The following IQGAP1 variants were observed in gnomAD, a reference collection of about 807,000 sequenced individuals.
The protein encoded by IQGAP1 is ras GTPase-activating-like protein IQGAP1.
A neutral mutation model predicts 215.6 loss-of-function variants in IQGAP1; 66 were observed. The ratio of observed to expected loss-of-function variants is 0.31; its 90% CI spans 0.25 to 0.38. The LOEUF is 0.38. IQGAP1 is among the 10% of genes least tolerant of loss of function. IQGAP1 has a pLI of 1.00. For missense variants in IQGAP1, 1,712 were observed against 1,997.1 expected (o/e 0.86, Z 2.72); for synonymous variants, 772 against 728.7 (o/e 1.06, Z -0.96).
At position 90,486,120 on chromosome 15, in the gene IQGAP1, G is replaced by A. The variant is rs1314114998; in HGVS notation, c.4012G>A (p.Glu1338Lys). The A allele has an allele frequency of 1.9e-6, 3 of 1,612,664 alleles. No homozygotes were observed. The highest frequency in any genetic ancestry group is 1.1e-5 in the South Asian group (1 of 90,896). The change falls in exon 31 of 38, where the codon GAG becomes AAG. Residue 1338 changes from glutamate (E) to lysine (K), a missense_variant. Coordinates refer to ENST00000268182, the MANE Select transcript of IQGAP1 (RefSeq NM_003870.4). Reference protein sequence around the residue: ...LDDLGEVPTIESLIGESSGNL... With the variant: ...LDDLGEVPTIKSLIGESSGNL... The stretch of plus-strand genomic sequence containing the variant: ...CGACCTCGGCGAGGTGCCCACCATC[G>A]AGTCCCTGATAGGTAGAGTTCTAAC...
chr15:90,453,007 C>G lies in IQGAP1; in HGVS notation c.1326+69C>G. On this transcript the variant is annotated intron_variant, in intron 12 of 37. Coordinates refer to ENST00000268182, the MANE Select transcript of IQGAP1 (RefSeq NM_003870.4). ...GACGTGAGTGTAATACCCACTTCTT[C>G]CTGTGGTTAGGTAGAACTTTTTTGC... 4 of 1,579,270 alleles carry G rather than the reference C, an allele frequency of 2.5e-6. No homozygotes were observed. The Admixed American group carries it at 5.4e-5, about 21-fold the overall frequency.
chr15:90,425,315 A>C (rs192160916), intron 2 of IQGAP1, among the ~76,000 whole-genome samples: 1 of 152,148 alleles, frequency 6.6e-6, no homozygotes, highest in Admixed American at 6.5e-5. Context: ...GTCTCAAAAG[A>C]AAAAAGAAGA....
intron 5 of IQGAP1, among the ~76,000 whole-genome samples, chr15:90,434,523 T>G (rs1043805373): frequency 2.0e-5 from 3 of 152,094 alleles, no homozygotes; most frequent in Admixed American, 6.5e-5. Flanking sequence ...AAAATATATT[T>G]TTTTCCCATA....
chr15:90,407,712 A>G (rs1448233903), intron 2 of IQGAP1, among the ~76,000 whole-genome samples: 2 of 152,182 alleles, frequency 1.3e-5, no homozygotes, highest in Non-Finnish European at 2.9e-5. Flanking sequence ...ATACTATTCC[A>G]TTGCTCATTT....
intron 15 of IQGAP1, among the ~76,000 whole-genome samples, chr15:90,458,389 A>G (rs1405233195): frequency 1.3e-5 from 2 of 152,222 alleles, no homozygotes; most frequent in Admixed American, 6.5e-5. Context: ...AGTGACAGCT[A>G]TATAAGTTGT....
chr15:90,423,475 G>A (rs962610095), intron 2 of IQGAP1, among the ~76,000 whole-genome samples: 2 of 151,170 alleles, frequency 1.3e-5, no homozygotes, highest in African/African-American at 2.4e-5. Context: ...TCAAGTGTTC[G>A]GCCTGCCTTG....
Position 90,389,341 on chromosome 15 carries a change from C to CTTT in IQGAP1, c.55+961_55+963dup, listed in dbSNP as rs563216137. ...AAGACAGTATGAGCACGGGAGGTGA[C>CTTT]TTTTTTTTTTTTTTTTTTGGAGACA... On this transcript the variant is annotated intron_variant, in intron 1 of 37. Coordinates refer to ENST00000268182, the MANE Select transcript of IQGAP1 (RefSeq NM_003870.4). 5.5e-3 allele frequency among the ~76,000 whole-genome samples: 708 copies of CTTT among 128,396 alleles called. 4 individuals are homozygous for CTTT. The highest frequency in any genetic ancestry group is 0.018 in the African/African-American group (619 of 34,576). 84.2% of individuals were successfully genotyped at this position (128,396 alleles called of 152,430 possible).
intron 18 of IQGAP1, among the ~76,000 whole-genome samples, chr15:90,472,079 A>G (rs906130202): frequency 1.3e-5 from 2 of 152,178 alleles, no homozygotes; most frequent in Admixed American, 6.5e-5. Flanking sequence ...CACCCTGGGC[A>G]ATATAATGAG....
chr15:90,432,167 A>G (rs1444082152), intron 4 of IQGAP1, among the ~76,000 whole-genome samples: 1 of 152,176 alleles, frequency 6.6e-6, no homozygotes, highest in Non-Finnish European at 1.5e-5. Context: ...TCTGTCACCT[A>G]GAATTTTTCA....
chr15:90,412,301 G>T (rs1203556902), intron 2 of IQGAP1, among the ~76,000 whole-genome samples: 1 of 152,046 alleles, frequency 6.6e-6, no homozygotes, highest in African/African-American at 2.4e-5. Flanking sequence ...CATTTTGCTT[G>T]TATGGTTTGA....
At chr15:90,487,609 T>A in intron 33 of IQGAP1, 27 bp downstream of exon 33, 1 of 1,475,882 alleles carries the variant, frequency 6.8e-7, no homozygotes, top group East Asian at 2.3e-5. Context: ...AACATACTCC[T>A]TTGTTTGGTA....
chr15:90,465,924 G>C, intron 15 of IQGAP1, 77 bp from the exon 16 acceptor site: 1 of 1,084,116 alleles, frequency 9.2e-7, no homozygotes, highest in South Asian at 1.3e-5. Context: ...TTGAGTCTAG[G>C]AAGCCCCCTT....
chr15:90,500,104 A>T lies in IQGAP1; in HGVS notation c.4970A>T (p.Lys1657Met), dbSNP rs759837106. The change falls in exon 38 of 38, where the codon AAG (lysine) becomes ATG (methionine). Residue 1657 changes from lysine (K) to methionine (M), a missense_variant. Transcript: ENST00000268182. Reference sequence around the variant, plus strand: ...CTTCTCAACAAAAAGTTCTACGGGAAGTAATTGATCGTTTGCTGCCAGCCC... The same window carrying T: ...CTTCTCAACAAAAAGTTCTACGGGATGTAATTGATCGTTTGCTGCCAGCCC... ...IFLLNKKFYG[K>M] is the part of the protein sequence containing the mutation. The T allele has an allele frequency of 6.4e-7, 1 of 1,569,234 alleles. No homozygotes were observed. Among genetic ancestry groups the T allele is most frequent in the Non-Finnish European group, 8.8e-7 (1 of 1,139,024 alleles).
chr15:90,484,020 T>C (rs1966092733), intron 29 of IQGAP1, among the ~76,000 whole-genome samples, 200 bp from the exon 30 acceptor site: 1 of 152,192 alleles, frequency 6.6e-6, no homozygotes, highest in Non-Finnish European at 1.5e-5. Context: ...AAACTAAAAC[T>C]ACAAACTAGG....
Position 90,498,830 on chromosome 15 carries a change from A to T in IQGAP1, c.4861-1165A>T, listed in dbSNP as rs1459586489. Among the ~76,000 whole-genome samples, 474 of 72,052 alleles carry T rather than the reference A, an allele frequency of 6.6e-3. 4 individuals are homozygous for T. Among genetic ancestry groups the T allele is most frequent in the African/African-American group, 0.026 (457 of 17,472 alleles). The allele number at this position is 72,052 out of a possible 152,430, so 47.3% of individuals were successfully genotyped here. On this transcript the variant is annotated intron_variant, in intron 37 of 37. Transcript: ENST00000268182. ...GCCCGGCTAATTTTTTTTTTTTTTG[A>T]GACAGTTTCGCTCTTATTGCCCAAG...
At chr15:90,395,419 A>C (rs28372225) in intron 2 of IQGAP1, among the ~76,000 whole-genome samples, 14,731 of 151,810 alleles carry the variant, frequency 0.097, 964 homozygotes, top group Non-Finnish European at 0.15. Context: ...CTCCCAGGTT[A>C]ACGCCATTCT....
intron 5 of IQGAP1, among the ~76,000 whole-genome samples, chr15:90,434,691 G>C (rs904870091): frequency 6.6e-6 from 1 of 152,136 alleles, no homozygotes; most frequent in East Asian, 1.9e-4. Context: ...CTTGGGACCA[G>C]AAGTGTTTTG....
At position 90,499,852 on chromosome 15, in the gene IQGAP1, C is replaced by A. The variant is rs547724966; in HGVS notation, c.4861-143C>A. On this transcript the variant is annotated intron_variant, in intron 37 of 37. Coordinates refer to ENST00000268182, the MANE Select transcript of IQGAP1 (RefSeq NM_003870.4). ...GGTAGTTGCCTAGCGTGGAACTTTTCTTTCGCCCCAGTTCACATCTGGCAC... is the reference window on the plus strand; with the variant it reads ...GGTAGTTGCCTAGCGTGGAACTTTTATTTCGCCCCAGTTCACATCTGGCAC... The A allele has an allele frequency of 1.0e-5, 6 of 579,568 alleles. No homozygotes were observed. The East Asian group carries it at 1.7e-4, about 16-fold the overall frequency. The allele number at this position is 579,568 out of a possible 1,614,324, so 35.9% of individuals were successfully genotyped here. A position where few individuals can be genotyped will look rare whatever the true frequency, so the allele number is the denominator to read the frequency against.
chr15:90,456,939 C>T (rs1364356490), intron 15 of IQGAP1, among the ~76,000 whole-genome samples: 1 of 104,264 alleles, frequency 9.6e-6, no homozygotes, highest in Non-Finnish European at 1.8e-5. Flanking sequence ...TATATATATA[C>T]GTATATATAT....
Sources: allele counts gnomAD v4.1 joint callset (sites outside exome capture counted in the v4.1 genomes callset), GRCh38; gene constraint gnomAD v4.1.1; transcripts MANE v1.5; gene names NCBI Gene and HGNC (gene_info 2026-07-23, HGNC 2026-07-21).